The following C21orf58 variants were observed in gnomAD, a reference collection of about 807,000 sequenced individuals.
C21orf58 encodes chromosome 21 open reading frame 58, also known as uncharacterized protein C21orf58.
C21orf58 carries 34 observed loss-of-function variants against 35.8 expected under a neutral mutation model. That is an observed-to-expected ratio of 0.95 (90% CI 0.72 to 1.26). C21orf58 has a LOEUF of 1.26. Ranked by LOEUF, C21orf58 falls within the 50% of genes most tolerant of loss-of-function variation. C21orf58 has a pLI of 0.00. For synonymous variants in C21orf58, 191 were observed against 175.8 expected (o/e 1.09, Z -0.68); for missense variants, 440 against 414.3 (o/e 1.06, Z -0.54).
intron 6 of C21orf58, among the ~76,000 whole-genome samples, chr21:46,308,220 T>C (rs1281216912): frequency 6.6e-6 from 1 of 152,028 alleles, no homozygotes; most frequent in Non-Finnish European, 1.5e-5. Flanking sequence ...CCCAGCACTT[T>C]GGGAGGCCGA....
chr21:46,310,595 G>A (rs192788637), intron 6 of C21orf58, among the ~76,000 whole-genome samples: 57 of 151,986 alleles, frequency 3.8e-4, no homozygotes, highest in Admixed American at 3.3e-3. Flanking sequence ...GATCACCTGA[G>A]GTTGGGAGTT....
At chr21:46,304,790 G>C (rs2082338138) in intron 6 of C21orf58, among the ~76,000 whole-genome samples, 1 of 152,192 alleles carries the variant, frequency 6.6e-6, no homozygotes, top group Non-Finnish European at 1.5e-5. Flanking sequence ...TGTAAGCCTG[G>C]AATCTTGAGC....
chr21:46,301,185 A>C lies in C21orf58; in HGVS notation c.*814T>G. 1 of 655,014 alleles carries C rather than the reference A, an allele frequency of 1.5e-6. No individual in the cohort carries two copies. The highest frequency in any genetic ancestry group is 6.5e-5 in the South Asian group (1 of 15,388). 40.6% of individuals were successfully genotyped at this position (655,014 alleles called of 1,614,324 possible). A position where few individuals can be genotyped will look rare whatever the true frequency, so the allele number is the denominator to read the frequency against. ...GAGACAGGGGCCTGCTCTGTGGTCC[A>C]GGCTATAGTGCAGTGGTTCCATCAG... is the stretch of plus-strand genomic sequence containing the variant. On this transcript the variant is annotated 3_prime_UTR_variant, in exon 8 of 8. Coordinates refer to ENST00000291691, the MANE Select transcript of C21orf58 (RefSeq NM_058180.5).
At chr21:46,309,981 G>A (rs906426050) in intron 6 of C21orf58, among the ~76,000 whole-genome samples, 15 of 151,982 alleles carry the variant, frequency 9.9e-5, no homozygotes, top group African/African-American at 3.6e-4. Flanking sequence ...TAGGCGACAG[G>A]CAAGACTCTG....
rs567893653 is a variant in C21orf58, at chr21:46,302,779, G to A, written c.722-203C>T. ...TGCACACGGTGCGGGTCCCCGGGGC[G>A]CGCCCTGAGCCCGTCTGCACACGGT... On this transcript the variant is annotated intron_variant, in intron 6 of 7. Coordinates refer to ENST00000291691, the MANE Select transcript of C21orf58 (RefSeq NM_058180.5). Among the ~76,000 whole-genome samples, 23 of 107,902 alleles carry A rather than the reference G, an allele frequency of 2.1e-4. No individual in the cohort carries two copies. The South Asian group carries it at 5.5e-3, about 26-fold the overall frequency. The allele number at this position is 107,902 out of a possible 152,430, so 70.8% of individuals were successfully genotyped here. A position where few individuals can be genotyped will look rare whatever the true frequency, so the allele number is the denominator to read the frequency against.
chr21:46,309,116 C>T (rs1383172208), intron 6 of C21orf58, among the ~76,000 whole-genome samples: 5 of 151,912 alleles, frequency 3.3e-5, no homozygotes, highest in Non-Finnish European at 7.4e-5. Context: ...GTCAGGAGTT[C>T]GAGACCAGTC....
At chr21:46,317,634 G>T (rs928907531) in intron 2 of C21orf58, among the ~76,000 whole-genome samples, 2 of 152,258 alleles carry the variant, frequency 1.3e-5, no homozygotes, top group Admixed American at 1.3e-4. Context: ...GCAGCTACCT[G>T]CTGGGTGTGT....
At chr21:46,318,487 C>G (rs1357234529) in intron 1 of C21orf58, 1 of 1,359,952 alleles carries the variant, frequency 7.4e-7, no homozygotes, top group Non-Finnish European at 9.5e-7. Flanking sequence ...GAAGGGCAGT[C>G]GTGACCCCCT....
intron 6 of C21orf58, among the ~76,000 whole-genome samples, chr21:46,310,822 A>T (rs982809699): frequency 2.0e-5 from 3 of 151,078 alleles, no homozygotes; most frequent in Non-Finnish European, 4.4e-5. Context: ...TCTCTCTCTA[A>T]ATAAATAAAT....
chr21:46,323,462 G>T lies in C21orf58; in HGVS notation c.-724C>A, dbSNP rs1264902715. On this transcript the variant is annotated 5_prime_UTR_variant, in exon 1 of 8. Coordinates refer to ENST00000291691, the MANE Select transcript of C21orf58 (RefSeq NM_058180.5). The stretch of plus-strand genomic sequence containing the variant: ...AGACACGGGCTCGGTCGGGAAAGGC[G>T]GGAGCTCCAAGCGGCGGGGCCTGCA... 7 of 152,366 alleles carry T rather than the reference G, an allele frequency of 4.6e-5. No individual in the cohort carries two copies. The highest frequency in any genetic ancestry group is 7.3e-5 in the Non-Finnish European group (5 of 68,182). The allele number at this position is 152,366 out of a possible 1,614,324, so 9.4% of individuals were successfully genotyped here. A position where few individuals can be genotyped will look rare whatever the true frequency, so the allele number is the denominator to read the frequency against.
At chr21:46,318,556 C>T (rs989368460) in intron 1 of C21orf58, 8 of 1,225,740 alleles carry the variant, frequency 6.5e-6, no homozygotes, top group Non-Finnish European at 8.2e-6. Flanking sequence ...GGAGGGCGCC[C>T]CACCTGTGTA....
intron 3 of C21orf58, among the ~76,000 whole-genome samples, chr21:46,316,633 C>G (rs2082987029): frequency 6.6e-6 from 1 of 152,214 alleles, no homozygotes; most frequent in African/African-American, 2.4e-5. Flanking sequence ...GGGGGGTCCC[C>G]AAACCCTCTG....
At position 46,314,743 on chromosome 21, in the gene C21orf58, TG is replaced by T; in HGVS notation, c.581del (p.Pro194GlnfsTer28). ...TAGGCAGGATGATCCTTGGCGGGTCTGGGGCCAGCGGGGATGGGGAGGCAGT... is the reference window on the plus strand; with the variant it reads ...TAGGCAGGATGATCCTTGGCGGGTCTGGGCCAGCGGGGATGGGGAGGCAGT... ...LPTASPSPLA[P>X]DPPRIILPTV... On this transcript the variant is annotated frameshift_variant, in exon 5 of 8. Coordinates refer to ENST00000291691, the MANE Select transcript of C21orf58 (RefSeq NM_058180.5). LOFTEE classifies it high-confidence loss of function. The T allele has an allele frequency of 6.7e-7, 1 of 1,493,050 alleles. No individual in the cohort carries two copies. The highest frequency in any genetic ancestry group is 9.0e-7 in the Non-Finnish European group (1 of 1,113,508). The allele number at this position is 1,493,050 out of a possible 1,614,324, so 92.5% of individuals were successfully genotyped here.
chr21:46,316,259 G>A (rs1318914971), intron 3 of C21orf58, among the ~76,000 whole-genome samples: 2 of 151,982 alleles, frequency 1.3e-5, no homozygotes, highest in East Asian at 1.9e-4. Flanking sequence ...AGTTTGAGAC[G>A]AGCCTGGCGA....
intron 6 of C21orf58, among the ~76,000 whole-genome samples, chr21:46,308,826 T>C (rs1306576386): frequency 6.6e-6 from 1 of 152,170 alleles, no homozygotes; most frequent in Admixed American, 6.6e-5. Context: ...TGTGTTATCA[T>C]GGGAGGAGAA....
At chr21:46,302,282 G>A in intron 7 of C21orf58, 128 bp from the exon 8 acceptor site, 1 of 1,403,746 alleles carries the variant, frequency 7.1e-7, no homozygotes, top group South Asian at 1.5e-5. Context: ...CATCCTCCCA[G>A]AGGAGGCTCC....
At chr21:46,304,355 A>C (rs1208148561) in intron 6 of C21orf58, among the ~76,000 whole-genome samples, 8 of 151,512 alleles carry the variant, frequency 5.3e-5, no homozygotes, top group Non-Finnish European at 1.2e-4. Flanking sequence ...AAATTAGTTG[A>C]CTGTGCCTGT....
intron 1 of C21orf58, among the ~76,000 whole-genome samples, chr21:46,321,718 G>C (rs538654173): frequency 3.3e-5 from 5 of 152,162 alleles, no homozygotes; most frequent in Non-Finnish European, 7.3e-5. Flanking sequence ...TAACTGTGAG[G>C]CTGACCTGCG....
At chr21:46,315,330 A>C (rs2082931847) in intron 4 of C21orf58, 144 bp downstream of exon 4, 2 of 638,474 alleles carry the variant, frequency 3.1e-6, no homozygotes, top group Non-Finnish European at 2.8e-6. Context: ...CAGGTCTCTA[A>C]GCTAACAGTG....
Sources: allele counts gnomAD v4.1 joint callset (sites outside exome capture counted in the v4.1 genomes callset), GRCh38; gene constraint gnomAD v4.1.1; transcripts MANE v1.5; gene names NCBI Gene and HGNC (gene_info 2026-07-23, HGNC 2026-07-21).